ANXA13: variants seen among roughly 807,000 people sequenced by gnomAD.
ANXA13 encodes the protein annexin XIII.
Under a neutral mutation model 46.6 loss-of-function variants are expected in ANXA13, and 36 were observed. The ratio of observed to expected loss-of-function variants is 0.77; its 90% CI spans 0.59 to 1.02. The LOEUF (loss-of-function observed/expected upper bound fraction) is 1.02. Among genes scored for constraint, ANXA13 ranks in the 50% least tolerant of loss-of-function variants. ANXA13 has a pLI of 0.00. For synonymous variants in ANXA13, 163 were observed against 152.9 expected (o/e 1.07, Z -0.49); for missense variants, 417 against 396.5 (o/e 1.05, Z -0.44).
intron 3 of ANXA13, among the ~76,000 whole-genome samples, chr8:123,700,926 A>C (rs962806020): frequency 2.6e-5 from 4 of 151,980 alleles, no homozygotes; most frequent in Non-Finnish European, 4.4e-5. Context: ...GGGCTTAAGC[A>C]ACCCTCCAGC....
intron 5 of ANXA13, 52 bp downstream of exon 5, chr8:123,695,636 G>T (rs1467364337): frequency 1.2e-6 from 2 of 1,610,696 alleles, no homozygotes; most frequent in Middle Eastern, 1.7e-4. Flanking sequence ...TTTCCCAGAG[G>T]TATTTTGAAA....
rs1170482141 is a variant in ANXA13 at position 123,693,250 on chromosome 8, G to A, written c.589C>T (p.Leu197=). ...AACTGCTTGTAGCTCCTCTTGGCCA[G>A]GACTTCATTGAACGCAAGCTCATCA... ...GTDELAFNEV[L]AKRSYKQLRA... Residue 197 remains leucine, a synonymous_variant, in exon 8 of 11, where the codon CTG becomes TTG. Coordinates refer to ENST00000419625, the MANE Select transcript of ANXA13 (RefSeq NM_004306.4). 1 of 1,614,148 alleles carries A rather than the reference G, an allele frequency of 6.2e-7. No individual in the cohort carries two copies. The highest frequency in any genetic ancestry group is 1.3e-5 in the African/African-American group (1 of 75,018).
rs139290584 is a variant in ANXA13 at position 123,730,055 on chromosome 8, T to C, written c.15+7265A>G. ...CATCCACTTAGCAAGTTATGTTCGT[T>C]TGACTCAGATCTACCTTCTCCCCAG... On this transcript the variant is annotated intron_variant, in intron 1 of 10. Transcript: ENST00000419625. 9.2e-5 allele frequency among the ~76,000 whole-genome samples: 14 copies of C among 152,298 alleles called. No individual in the cohort carries two copies. The East Asian group carries it at 2.7e-3, about 29-fold the overall frequency.
At chr8:123,706,259 G>A (rs1813537910) in intron 2 of ANXA13, among the ~76,000 whole-genome samples, 2 of 152,180 alleles carry the variant, frequency 1.3e-5, no homozygotes, top group Non-Finnish European at 2.9e-5. Context: ...AAAAAACTTC[G>A]GAGTGTCAGA....
At chr8:123,735,799 G>C in intron 1 of ANXA13, 2 of 1,612,868 alleles carry the variant, frequency 1.2e-6, no homozygotes, top group Non-Finnish European at 1.7e-6. Context: ...GGGTGGCTGA[G>C]AGGCTGCACG....
intron 1 of ANXA13, chr8:123,728,737 C>G (rs1226858933): frequency 6.6e-6 from 1 of 152,266 alleles, no homozygotes; most frequent in East Asian, 1.9e-4. Flanking sequence ...ATTTCTGTCT[C>G]AATCAGTATC....
intron 1 of ANXA13, among the ~76,000 whole-genome samples, chr8:123,715,463 C>T (rs990202380): frequency 7.9e-5 from 12 of 152,220 alleles, no homozygotes; most frequent in African/African-American, 2.2e-4. Context: ...TCCTATCACT[C>T]GGCTAATTCA....
intron 10 of ANXA13, among the ~76,000 whole-genome samples, chr8:123,681,779 C>G (rs549616478): frequency 2.0e-5 from 3 of 152,018 alleles, no homozygotes; most frequent in African/African-American, 4.8e-5. Flanking sequence ...AACCACCATG[C>G]CTGGCTAATT....
intron 7 of ANXA13, among the ~76,000 whole-genome samples, 153 bp from the exon 8 acceptor site, chr8:123,693,451 G>T (rs544677410): frequency 6.6e-5 from 10 of 152,300 alleles, no homozygotes; most frequent in African/African-American, 2.4e-4. Flanking sequence ...ACCCACAAAT[G>T]TATTTCACAT....
chr8:123,735,849 C>G, intron 1 of ANXA13: 1 of 1,611,878 alleles, frequency 6.2e-7, no homozygotes, highest in Non-Finnish European at 8.5e-7. Flanking sequence ...CAACTGTTGA[C>G]TGCCTTCTGA....
intron 1 of ANXA13, among the ~76,000 whole-genome samples, chr8:123,722,994 AC>A (rs1813913993): frequency 6.6e-6 from 1 of 152,220 alleles, no homozygotes; most frequent in African/African-American, 2.4e-5. Flanking sequence ...CATTTTGAAG[AC>A]TGAAAAGACA....
chr8:123,697,518 A>G (rs537304817), intron 4 of ANXA13, among the ~76,000 whole-genome samples: 1 of 152,318 alleles, frequency 6.6e-6, no homozygotes, highest in African/African-American at 2.4e-5. Flanking sequence ...ACTTCAGGAA[A>G]AGAGGCTGAG....
At chr8:123,732,538 C>A (rs1814139184) in intron 1 of ANXA13, among the ~76,000 whole-genome samples, 1 of 152,170 alleles carries the variant, frequency 6.6e-6, no homozygotes, top group South Asian at 2.1e-4. Context: ...AGGATTCTCT[C>A]CCCTGCACCA....
chr8:123,695,903 C>A, intron 4 of ANXA13, among the ~76,000 whole-genome samples, 182 bp from the exon 5 acceptor site: 1 of 108,446 alleles, frequency 9.2e-6, no homozygotes. Context: ...GATGTGACGG[C>A]CCGCCCCCCC....
chr8:123,697,034 C>T (rs751771795), intron 4 of ANXA13, among the ~76,000 whole-genome samples: 3 of 152,294 alleles, frequency 2.0e-5, no homozygotes, highest in African/African-American at 2.4e-5. Context: ...CTCAGCCTCT[C>T]AAGTAGCTGG....
At chr8:123,691,504 T>C (rs1001474754) in intron 8 of ANXA13, among the ~76,000 whole-genome samples, 12 of 152,214 alleles carry the variant, frequency 7.9e-5, no homozygotes, top group Non-Finnish European at 1.6e-4. Context: ...TAATGTTCAT[T>C]GAACGCCTAC....
At chr8:123,735,438 C>T (rs1384035844) in intron 1 of ANXA13, among the ~76,000 whole-genome samples, 1 of 152,082 alleles carries the variant, frequency 6.6e-6, no homozygotes, top group Non-Finnish European at 1.5e-5. Context: ...ATTCTTTGTG[C>T]ACATGTTGAG....
At chr8:123,702,617 G>A (rs770402460) in intron 3 of ANXA13, 25 bp downstream of exon 3, 20 of 1,600,772 alleles carry the variant, frequency 1.2e-5, no homozygotes, top group Non-Finnish European at 1.3e-5. Flanking sequence ...CTGGGTGCAA[G>A]CTTGCTGACC....
intron 2 of ANXA13, among the ~76,000 whole-genome samples, chr8:123,710,757 C>T (rs3779979): frequency 9.2e-5 from 14 of 151,746 alleles, no homozygotes; most frequent in African/African-American, 7.2e-5. Context: ...CTTAAAATGT[C>T]AGGTCATCAG....
Sources: gnomAD v4.1 joint callset for allele counts (sites outside exome capture counted in the v4.1 genomes callset) on GRCh38, gnomAD v4.1.1 for gene constraint, MANE v1.5 for transcripts, NCBI Gene and HGNC (gene_info 2026-07-23, HGNC 2026-07-21) for gene names.